ARHGEF6: variants seen among roughly 807,000 people sequenced by gnomAD.
ARHGEF6 encodes Rac/Cdc42 guanine nucleotide exchange factor 6.
ARHGEF6 carries 9 observed loss-of-function variants against 70.3 expected under a neutral mutation model. That is an observed-to-expected ratio of 0.13 (90% CI 0.08 to 0.22). The LOEUF is 0.22. Ranked by LOEUF, ARHGEF6 falls within the 10% of genes least tolerant of loss-of-function variation. The probability of loss-of-function intolerance (pLI) is 1.00; values close to 1 mark genes in which losing one functional copy is unlikely to be tolerated. For missense variants in ARHGEF6, 470 were observed against 563.0 expected, an observed-to-expected ratio of 0.83 and a Z score of 1.67; for synonymous variants, 201 against 207.8, an observed-to-expected ratio of 0.97 and a Z score of 0.28.
chrX:136,710,649 G>C (rs986363835), intron 7 of ARHGEF6, among the ~76,000 whole-genome samples: 1 of 109,867 alleles, frequency 9.1e-6, no homozygotes, highest in African/African-American at 3.3e-5. Context: ...AGTCAGTCTG[G>C]TTTGCTCAAA....
At chrX:136,714,424 C>A (rs1395310901) in intron 6 of ARHGEF6, among the ~76,000 whole-genome samples, 1 of 112,237 alleles carries the variant, frequency 8.9e-6, no homozygotes, top group African/African-American at 3.2e-5. Context: ...TTCATTTAAG[C>A]TCTTAGGGAC....
chrX:136,700,782 C>G (rs1009269463), intron 9 of ARHGEF6, among the ~76,000 whole-genome samples: 1 of 112,075 alleles, frequency 8.9e-6, no homozygotes, highest in African/African-American at 3.2e-5. Context: ...GGAGACAAAG[C>G]AAGCTTTAGA....
At chrX:136,704,061 T>C (rs2148611967) in intron 9 of ARHGEF6, among the ~76,000 whole-genome samples, 1 of 112,561 alleles carries the variant, frequency 8.9e-6, no homozygotes, top group African/African-American at 3.2e-5. Context: ...TAAAGAACTG[T>C]TGCAACTCAA....
chrX:136,693,797 C>T (rs146908959), intron 9 of ARHGEF6, among the ~76,000 whole-genome samples: 293 of 111,237 alleles, frequency 2.6e-3, no homozygotes, highest in African/African-American at 8.8e-3. Flanking sequence ...TTTGAATGAT[C>T]ATAACTCTAC....
At chrX:136,726,190 T>C (rs1274117214) in intron 6 of ARHGEF6, among the ~76,000 whole-genome samples, 3 of 111,570 alleles carry the variant, frequency 2.7e-5, no homozygotes, top group Admixed American at 9.6e-5. Context: ...AAGGGCAATA[T>C]ATTATAATAT....
At chrX:136,779,218 A>ATTTTG (rs1036891320) in intron 2 of ARHGEF6, among the ~76,000 whole-genome samples, 196 bp downstream of exon 2, 2 of 111,894 alleles carry the variant, frequency 1.8e-5, no homozygotes, top group African/African-American at 6.5e-5. Context: ...GTGAGTTTTT[A>ATTTTG]TTTTGTTTTG....
Position 136,750,842 on chromosome X carries a change from C to T in ARHGEF6, c.250-3250G>A, listed in dbSNP as rs755416196. Among the ~76,000 whole-genome samples, 135 of 107,579 alleles carry T rather than the reference C, an allele frequency of 1.3e-3. 1 individual carries two copies. Among genetic ancestry groups the T allele is most frequent in the African/African-American group, 4.4e-3 (129 of 29,368 alleles). The allele number at this position is 107,579 out of a possible 115,157, so 93.4% of individuals were successfully genotyped here. A position where few individuals can be genotyped will look rare whatever the true frequency, so the allele number is the denominator to read the frequency against. Reference sequence around the variant, plus strand: ...TTTTGAGGCAGAGTCTCACTGTATCCCCCAGGCTGGAGTGCAGTGGCATGA... The same window carrying T: ...TTTTGAGGCAGAGTCTCACTGTATCTCCCAGGCTGGAGTGCAGTGGCATGA... On this transcript the variant is annotated intron_variant, in intron 2 of 21. Transcript: ENST00000250617.
At chrX:136,773,786 C>T (rs1025791480) in intron 2 of ARHGEF6, among the ~76,000 whole-genome samples, 2 of 111,855 alleles carry the variant, frequency 1.8e-5, no homozygotes, top group African/African-American at 6.5e-5. Context: ...CAGAGTTATG[C>T]AGCCAGTAAT....
intron 9 of ARHGEF6, among the ~76,000 whole-genome samples, chrX:136,693,220 A>G (rs1192900110): frequency 8.9e-6 from 1 of 112,188 alleles, no homozygotes; most frequent in Non-Finnish European, 1.9e-5. Context: ...GCAGCATTCT[A>G]ACTTCTAGGC....
At chrX:136,764,817 A>C (rs1015818133) in intron 2 of ARHGEF6, among the ~76,000 whole-genome samples, 2 of 112,260 alleles carry the variant, frequency 1.8e-5, no homozygotes, top group African/African-American at 6.5e-5. Context: ...TTTTTTAAAA[A>C]AGGAATACCA....
At chrX:136,759,377 C>T (rs2077242665) in intron 2 of ARHGEF6, among the ~76,000 whole-genome samples, 1 of 111,669 alleles carries the variant, frequency 9.0e-6, no homozygotes, top group African/African-American at 3.3e-5. Context: ...CGGTGGCTCA[C>T]ACCTGTAATC....
intron 2 of ARHGEF6, among the ~76,000 whole-genome samples, chrX:136,762,478 C>T (rs747799228): frequency 1.4e-4 from 16 of 111,279 alleles, no homozygotes; most frequent in Non-Finnish European, 2.5e-4. Flanking sequence ...TCATTTAACC[C>T]TAGGAAGAGG....
At chrX:136,737,687 T>TA (rs745975738) in intron 5 of ARHGEF6, among the ~76,000 whole-genome samples, 4,241 of 91,983 alleles carry the variant, frequency 0.046, 287 homozygotes, top group African/African-American at 0.15. Context: ...GATCCCGTGT[T>TA]AAAAAAAAAA....
intron 2 of ARHGEF6, chrX:136,768,445 A>G (rs1603356082): frequency 8.9e-6 from 1 of 112,406 alleles, no homozygotes; most frequent in African/African-American, 3.2e-5. Flanking sequence ...ACTAGTTCCA[A>G]CTGAGCAGCT....
At chrX:136,677,981 G>C (rs760413082) in intron 16 of ARHGEF6, 25 bp from the exon 17 acceptor site, 4 of 1,186,298 alleles carry the variant, frequency 3.4e-6, no homozygotes, top group African/African-American at 3.5e-5. Flanking sequence ...TAAAGAAAGA[G>C]AAGATGAGCG....
chrX:136,742,145 C>A (rs781684530), intron 5 of ARHGEF6, among the ~76,000 whole-genome samples: 235 of 111,046 alleles, frequency 2.1e-3, no homozygotes, highest in Non-Finnish European at 3.8e-3. Context: ...ACGGTGAAAC[C>A]CCATCTCTAC....
intron 6 of ARHGEF6, among the ~76,000 whole-genome samples, chrX:136,727,152 C>A (rs2076861248): frequency 2.7e-5 from 3 of 111,340 alleles, no homozygotes; most frequent in African/African-American, 9.8e-5. Context: ...TTGATTGGTT[C>A]TCATATTTTA....
intron 5 of ARHGEF6, among the ~76,000 whole-genome samples, chrX:136,732,473 A>C (rs1199465554): frequency 8.9e-6 from 1 of 112,379 alleles, no homozygotes; most frequent in Admixed American, 9.4e-5. Context: ...TCTCCATTCA[A>C]CTTATTCAAA....
chrX:136,719,588 C>A (rs993877765), intron 6 of ARHGEF6, among the ~76,000 whole-genome samples: 1 of 110,834 alleles, frequency 9.0e-6, no homozygotes, highest in African/African-American at 3.3e-5. Flanking sequence ...TAAACTTCCA[C>A]CCTAGGAAAC....
Sources: gnomAD v4.1 joint callset for allele counts (sites outside exome capture counted in the v4.1 genomes callset) on GRCh38, gnomAD v4.1.1 for gene constraint, MANE v1.5 for transcripts, NCBI Gene and HGNC (gene_info 2026-07-23, HGNC 2026-07-21) for gene names.